The following SLC34A3 variants were observed in gnomAD, a reference collection of about 807,000 sequenced individuals.
SLC34A3 encodes solute carrier family 34 member 3.
SLC34A3 carries 60 observed loss-of-function variants against 43.9 expected under a neutral mutation model. That is an observed-to-expected ratio of 1.37 (90% CI 1.11 to 1.70). The LOEUF (loss-of-function observed/expected upper bound fraction) is 1.70. Among genes scored for constraint, SLC34A3 ranks in the 40% most tolerant of loss-of-function variants. The pLI, the probability that SLC34A3 is intolerant of heterozygous loss-of-function variation, is 0.00. For missense variants in SLC34A3, 969 were observed against 823.8 expected (o/e 1.18, Z -2.16); for synonymous variants, 451 against 386.2 (o/e 1.17, Z -1.97).
chr9:137,235,311 C>T (rs1381943138), intron 12 of SLC34A3, among the ~76,000 whole-genome samples: 7 of 152,308 alleles, frequency 4.6e-5, no homozygotes, highest in African/African-American at 9.6e-5. Context: ...GCCTGCTGCC[C>T]GGAGGCCCAA....
intron 8 of SLC34A3, 57 bp downstream of exon 8, chr9:137,233,779 T>TTGGGCCCCCCCCCCCCCCCCCCCCCCCA: frequency 6.9e-7 from 1 of 1,445,820 alleles, no homozygotes; most frequent in Non-Finnish European, 9.6e-7. Flanking sequence ...TGCTGAGTCA[T>TTGGGCCCCCCCCCCCCCCCCCCCCCCCA]CCCGCCCCAC....
intron 8 of SLC34A3, 57 bp downstream of exon 8, chr9:137,233,779 T>TCACCC: frequency 2.8e-6 from 4 of 1,445,814 alleles, no homozygotes; most frequent in East Asian, 2.3e-5. Context: ...TGCTGAGTCA[T>TCACCC]CCCGCCCCAC....
At chr9:137,231,829 C>T (rs751009335) in intron 2 of SLC34A3, 42 bp downstream of exon 2, 4 of 1,519,236 alleles carry the variant, frequency 2.6e-6, no homozygotes, top group African/African-American at 1.4e-5. Context: ...CCAGTCTGAC[C>T]ACCCACCCCC....
Position 137,231,657 on chromosome 9 carries a change from C to T in SLC34A3, c.-39-7C>T. The T allele has an allele frequency of 6.6e-7, 1 of 1,505,722 alleles. No homozygotes were observed. The highest frequency in any genetic ancestry group is 9.2e-7 in the Non-Finnish European group (1 of 1,083,020). The allele number at this position is 1,505,722 out of a possible 1,614,324, so 93.3% of individuals were successfully genotyped here. A position where few individuals can be genotyped will look rare whatever the true frequency, so the allele number is the denominator to read the frequency against. Reference sequence around the variant, plus strand: ...AATGTCTCTGACACGCGCGTCCCCCCCAGCAGATCTAGACCTGGGCCTGGG... The same window carrying T: ...AATGTCTCTGACACGCGCGTCCCCCTCAGCAGATCTAGACCTGGGCCTGGG... On this transcript the variant is annotated splice_polypyrimidine_tract_variant and splice_region_variant and intron_variant, in intron 1 of 12. Coordinates refer to ENST00000673835, the MANE Select transcript of SLC34A3 (RefSeq NM_001177316.2).
Position 137,236,080 on chromosome 9 carries a change from T to C in SLC34A3, c.1464T>C (p.Ala488=), listed in dbSNP as rs144666114. The change falls in exon 13 of 13, where the codon GCT becomes GCC. Residue 488 remains alanine, a synonymous_variant. Coordinates refer to ENST00000673835, the MANE Select transcript of SLC34A3 (RefSeq NM_001177316.2). The part of the protein sequence containing the change: ...GVVTARYRWV[A]GVYLLLGFLL... Reference sequence around the variant, plus strand: ...TGACCGCCCGTTACCGCTGGGTGGCTGGGGTCTACCTGCTGCTCGGATTCC... The same window carrying C: ...TGACCGCCCGTTACCGCTGGGTGGCCGGGGTCTACCTGCTGCTCGGATTCC... The C allele has an allele frequency of 8.7e-4, 1,401 of 1,612,336 alleles. 2 individuals are homozygous for C. The highest frequency in any genetic ancestry group is 1.1e-3 in the Non-Finnish European group (1,278 of 1,179,854).
At chr9:137,230,033 C>T (rs998779480), upstream of SLC34A3, among the ~76,000 whole-genome samples, 1 of 152,322 alleles carries the variant, frequency 6.6e-6, no homozygotes, top group South Asian at 2.1e-4. Flanking sequence ...CTTCTACCTT[C>T]TCCAGGGCAA....
At chr9:137,233,779 T>TTGGGCGCCCCCCCCCC in intron 8 of SLC34A3, 57 bp downstream of exon 8, 1 of 1,445,824 alleles carries the variant, frequency 6.9e-7, no homozygotes, top group Non-Finnish European at 9.6e-7. Flanking sequence ...TGCTGAGTCA[T>TTGGGCGCCCCCCCCCC]CCCGCCCCAC....
In SLC34A3 at chr9:137,236,263, G is replaced by A. The variant is rs1406663130; in HGVS notation, c.1647G>A (p.Trp549Ter). 6.5e-7 allele frequency: 1 copy of A among 1,545,374 alleles called. No homozygotes were observed. The stretch of plus-strand genomic sequence containing the variant: ...GGCTGCCTGTCCGCCTGCGCTCCTG[G>A]GCCTGGCTCCCCGTCTGGCTCCATT... ...PAWLPVRLRS[W>*]AWLPVWLHSL... The change falls in exon 13 of 13, where the codon TGG becomes TGA. Residue 549 changes from tryptophan (W) to a stop codon, truncating the protein, a stop_gained. Transcript: ENST00000673835. LOFTEE classifies it low-confidence loss of function (END_TRUNC).
intron 6 of SLC34A3, 23 bp downstream of exon 6, chr9:137,233,138 G>A (rs1195861830): frequency 1.9e-6 from 3 of 1,579,216 alleles, no homozygotes; most frequent in East Asian, 2.3e-5. Context: ...TGGAAGGGCT[G>A]GGCTGGGGCT....
At position 137,236,059 on chromosome 9, in the gene SLC34A3, C is replaced by A; in HGVS notation, c.1443C>A (p.Thr481=). The A allele has an allele frequency of 3.7e-6, 6 of 1,612,506 alleles. No homozygotes were observed. Among genetic ancestry groups the A allele is most frequent in the Non-Finnish European group, 5.1e-6 (6 of 1,179,860 alleles). The change falls in exon 13 of 13, where the codon ACC becomes ACA. Residue 481 remains threonine, a synonymous_variant. Transcript: ENST00000673835. ...TGGCCAGGCACTTCGGGGTGGTGAC[C>A]GCCCGTTACCGCTGGGTGGCTGGGG... ...IPLARHFGVV[T]ARYRWVAGVY...
At chr9:137,230,974 C>G (rs1027656639) in intron 1 of SLC34A3, 36 bp downstream of exon 1, 1 of 152,804 alleles carries the variant, frequency 6.5e-6, no homozygotes, top group African/African-American at 2.4e-5. Context: ...GGCCCAGGGA[C>G]AGTGAGGCCG....
rs919758421 is a variant in SLC34A3, at chr9:137,233,365, C to G, written c.717C>G (p.Leu239=). 2 of 1,606,658 alleles carry G rather than the reference C, an allele frequency of 1.2e-6. No individual in the cohort carries two copies. The highest frequency in any genetic ancestry group is 3.4e-5 in the Admixed American group (2 of 59,444). Reference sequence around the variant, plus strand: ...CCAGGGCGCAGGCGCCCGACATCCTCAAGGTGCTGACGAAGCCGCTCACAC... The same window carrying G: ...CCAGGGCGCAGGCGCCCGACATCCTGAAGGTGCTGACGAAGCCGCTCACAC... ...LTPRAQAPDI[L]KVLTKPLTHL... The change falls in exon 7 of 13, where the codon CTC becomes CTG. Residue 239 remains leucine, a synonymous_variant. Coordinates refer to ENST00000673835, the MANE Select transcript of SLC34A3 (RefSeq NM_001177316.2).
At position 137,232,180 on chromosome 9, in the gene SLC34A3, G is replaced by GGGGTGGCA; in HGVS notation, c.175+22_175+29dup. 1 of 1,610,282 alleles carries GGGGTGGCA rather than the reference G, an allele frequency of 6.2e-7. No individual in the cohort carries two copies. The highest frequency in any genetic ancestry group is 1.1e-5 in the South Asian group (1 of 91,042). ...TGGAAAGGTGGGTCTGGAGGTTCCG[G>GGGGTGGCA]GGGTGGCAGGCTGGCAGGCCTCTGT... On this transcript the variant is annotated intron_variant, in intron 3 of 12. Coordinates refer to ENST00000673835, the MANE Select transcript of SLC34A3 (RefSeq NM_001177316.2).
rs138702939 is a variant in SLC34A3 at position 137,234,246 on chromosome 9, G to A, written c.1063G>A (p.Ala355Thr). 3.1e-6 allele frequency: 5 copies of A among 1,610,498 alleles called. No homozygotes were observed. Among genetic ancestry groups the A allele is most frequent in the Admixed American group, 3.3e-5 (2 of 59,842 alleles). The change falls in exon 10 of 13, where the codon GCC becomes ACC. Residue 355 changes from alanine (A) to threonine (T), a missense_variant. Physicochemically the swap from Ala to Thr is moderately conservative, Grantham distance 58 (BLOSUM62 0). Transcript: ENST00000673835. The surrounding 1 kb of genome is among the most constrained non-coding windows in gnomAD (Gnocchi z 6.9). ...CAACTCTGTGCTGCGCGGCCGCGTG[G>A]CCCAGGTCGTGAGGACAGTCATCAA... ...LLNSVLRGRV[A>T]QVVRTVINAD...
rs577513680 is a variant in SLC34A3, at chr9:137,235,885, G to A, written c.1336-67G>A. ...TCCTTCTGTAGGGTGGAGGAGGGCA[G>A]GGGTCCGGGGCCCCTGGTGACCCCA... is the stretch of plus-strand genomic sequence containing the variant. On this transcript the variant is annotated intron_variant, in intron 12 of 12. Coordinates refer to ENST00000673835, the MANE Select transcript of SLC34A3 (RefSeq NM_001177316.2). 11 of 1,437,430 alleles carry A rather than the reference G, an allele frequency of 7.7e-6. No individual in the cohort carries two copies. The South Asian group carries it at 1.1e-4, about 15-fold the overall frequency. 89.0% of individuals were successfully genotyped at this position (1,437,430 alleles called of 1,614,324 possible). A position where few individuals can be genotyped will look rare whatever the true frequency, so the allele number is the denominator to read the frequency against.
rs73671308 is a variant in SLC34A3, at chr9:137,235,365, G to A, written c.1336-587G>A. On this transcript the variant is annotated intron_variant, in intron 12 of 12. Transcript: ENST00000673835. ...CTCCGGGTCATGCTGCACCGCCGCTGACAGGAAGAGACAAGTGCGGCACCC... is the reference window on the plus strand; with the variant it reads ...CTCCGGGTCATGCTGCACCGCCGCTAACAGGAAGAGACAAGTGCGGCACCC... Among the ~76,000 whole-genome samples, 1,195 of 152,288 alleles carry A rather than the reference G, an allele frequency of 7.8e-3. 6 individuals carry two copies. The highest frequency in any genetic ancestry group is 0.027 in the African/African-American group (1,126 of 41,532).
upstream of SLC34A3, among the ~76,000 whole-genome samples, chr9:137,229,982 G>A (rs1249135449): frequency 6.6e-6 from 1 of 152,112 alleles, no homozygotes; most frequent in South Asian, 2.1e-4. Flanking sequence ...AAGGGCGCAG[G>A]AGGGAGACGG....
chr9:137,233,779 T>TTTGGGCCCCCCCC, intron 8 of SLC34A3, 57 bp downstream of exon 8: 1 of 1,445,818 alleles, frequency 6.9e-7, no homozygotes, highest in Non-Finnish European at 9.6e-7. Context: ...TGCTGAGTCA[T>TTTGGGCCCCCCCC]CCCGCCCCAC....
chr9:137,232,988 GCCC>G lies in SLC34A3; in HGVS notation c.449-11_449-9del. The G allele has an allele frequency of 6.2e-7, 1 of 1,610,082 alleles. No homozygotes were observed. Among genetic ancestry groups the G allele is most frequent in the East Asian group, 2.2e-5 (1 of 44,752 alleles). On this transcript the variant is annotated splice_polypyrimidine_tract_variant and intron_variant, in intron 5 of 12. Transcript: ENST00000673835. ...GCAGGGTGGGCCGCAGGCTGACTCA[GCCC>G]CCCCACCAGCAGTGCTGACTGTCCG...
Sources: gnomAD v4.1 joint callset for allele counts (sites outside exome capture counted in the v4.1 genomes callset) on GRCh38, gnomAD v4.1.1 for gene constraint, Gnocchi (gnomAD v3.1) non-coding constraint, MANE v1.5 for transcripts, NCBI Gene and HGNC (gene_info 2026-07-23, HGNC 2026-07-21) for gene names.